MVK: variants seen among roughly 807,000 people sequenced by gnomAD.
The protein encoded by MVK is mevalonate kinase, also known as LH receptor mRNA-binding protein.
In MVK, 34 loss-of-function variants were observed where a neutral mutation model predicts 43.2. The ratio of observed to expected loss-of-function variants is 0.79; its 90% CI spans 0.60 to 1.05. MVK has a LOEUF of 1.05. Ranked by LOEUF, MVK falls within the 50% of genes least tolerant of loss-of-function variation. MVK has a pLI of 0.00. For synonymous variants in MVK, 190 were observed against 219.8 expected (o/e 0.86, Z 1.20); for missense variants, 395 against 504.0 (o/e 0.78, Z 2.07).
At chr12:109,577,582 G>A (rs1355476206) in intron 3 of MVK, among the ~76,000 whole-genome samples, 1 of 152,170 alleles carries the variant, frequency 6.6e-6, no homozygotes, top group Non-Finnish European at 1.5e-5. Flanking sequence ...CTCCCAAAGT[G>A]CTGGGGTTAC....
intron 7 of MVK, 42 bp from the exon 8 acceptor site, chr12:109,590,729 A>G (rs772830954): frequency 8.8e-6 from 14 of 1,585,646 alleles, no homozygotes; most frequent in African/African-American, 5.4e-5. Flanking sequence ...CAGCTCCTCC[A>G]TCTTGAGTTC....
In MVK at chr12:109,591,262, C is replaced by G. The variant is rs104895315; in HGVS notation, c.790C>G (p.Leu264Val). Residue 264 changes from leucine to valine, a missense_variant, in exon 9 of 11, where the codon CTC becomes GTC. Transcript: ENST00000228510. The part of the protein sequence containing the change: ...LLKFPEIVAP[L>V]LTSIDAISLE... ...CCAGTTCCCAGAGATCGTGGCCCCCCTCCTGACCTCAATAGATGCCATCTC... is the reference window on the plus strand; with the variant it reads ...CCAGTTCCCAGAGATCGTGGCCCCCGTCCTGACCTCAATAGATGCCATCTC... The G allele has an allele frequency of 6.8e-6, 11 of 1,614,126 alleles. No homozygotes were observed. In the East Asian group the frequency reaches 1.8e-4, roughly 26 times the overall value.
chr12:109,581,519 A>G lies in MVK; in HGVS notation c.496A>G (p.Asn166Asp). 6.2e-7 allele frequency: 1 copy of G among 1,614,192 alleles called. No homozygotes were observed. Among genetic ancestry groups the G allele is most frequent in the Non-Finnish European group, 8.5e-7 (1 of 1,180,028 alleles). The change falls in exon 5 of 11, where the codon AAC (asparagine) becomes GAC (aspartate). Residue 166 changes from asparagine (N) to aspartate (D), a missense_variant. Asn to Asp is a conservative substitution (Grantham distance 23). Transcript: ENST00000228510. ...CCTGACTGTGTGCGAGGAGATCCCA[A>G]ACCCGCTGAAGGACGGGGATTGCGT... ...ALLTVCEEIP[N>D]PLKDGDCVNR...
At position 109,588,558 on chromosome 12, in the gene MVK, G is replaced by A. The variant is rs1368063556; in HGVS notation, c.677+1759G>A. ...GGAGGCGCTGGGTCCACAGGCCTAG[G>A]TTTGAGTCCAGCTCTCCCACTTGCC... On this transcript the variant is annotated intron_variant, in intron 7 of 10. Transcript: ENST00000228510. 3.3e-5 allele frequency: 5 copies of A among 152,372 alleles called. No individual in the cohort carries two copies. In the East Asian group the frequency reaches 9.6e-4, roughly 29 times the overall value. The allele number at this position is 152,372 out of a possible 1,614,324, so 9.4% of individuals were successfully genotyped here. A position where few individuals can be genotyped will look rare whatever the true frequency, so the allele number is the denominator to read the frequency against.
chr12:109,595,160 G>A lies in MVK; in HGVS notation c.1018G>A (p.Gly340Ser), dbSNP rs1234844360. ...KLTGAGGGGC[G>S]ITLLKPGLEQ... ...GACTGGCGCAGGCGGTGGTGGCTGT[G>A]GCATCACACTCCTCAAGCCAGGTAT... The change falls in exon 10 of 11, where the codon GGC (glycine) becomes AGC (serine). Residue 340 changes from glycine (G) to serine (S), a missense_variant. Coordinates refer to ENST00000228510, the MANE Select transcript of MVK (RefSeq NM_000431.4). This position sits in a 1 kb window ranked among gnomAD's most constrained non-coding sequence, Gnocchi z 5.9. 6.2e-7 allele frequency: 1 copy of A among 1,614,018 alleles called. No individual in the cohort carries two copies.
At chr12:109,573,730 C>T (rs1366349147), upstream of MVK, 6 of 566,858 alleles carry the variant, frequency 1.1e-5, no homozygotes, top group Non-Finnish European at 1.6e-5. Flanking sequence ...TAAAGGTACT[C>T]CGGGCTCGCG....
intron 10 of MVK, 83 bp from the exon 11 acceptor site, chr12:109,596,343 G>A: frequency 6.5e-7 from 1 of 1,541,630 alleles, no homozygotes; most frequent in Non-Finnish European, 8.7e-7. Context: ...CAGCAGGAAG[G>A]CCTGGGCTTT....
chr12:109,589,216 A>G (rs1885569914), intron 7 of MVK: 2 of 152,250 alleles, frequency 1.3e-5, no homozygotes, highest in Non-Finnish European at 2.9e-5. Context: ...TGAGCCCTGG[A>G]TCTGGTGGGG....
intron 5 of MVK, among the ~76,000 whole-genome samples, chr12:109,585,810 C>T (rs1422377006): frequency 6.6e-6 from 1 of 152,146 alleles, no homozygotes; most frequent in Non-Finnish European, 1.5e-5. Flanking sequence ...AGTCCAAAGC[C>T]CAGGCTGTTT....
Position 109,575,473 on chromosome 12 carries a change from T to A in MVK, c.79-525T>A, listed in dbSNP as rs375793863. Reference sequence around the variant, plus strand: ...CTTGCTCTGTCACCGGAGTGCAATCTTGCGATCATGGCTCACTGCAGCCTC... The same window carrying A: ...CTTGCTCTGTCACCGGAGTGCAATCATGCGATCATGGCTCACTGCAGCCTC... On this transcript the variant is annotated intron_variant, in intron 2 of 10. Coordinates refer to ENST00000228510, the MANE Select transcript of MVK (RefSeq NM_000431.4). 9.9e-5 allele frequency among the ~76,000 whole-genome samples: 15 copies of A among 152,032 alleles called. No homozygotes were observed. In the East Asian group the frequency reaches 2.7e-3, roughly 27 times the overall value.
intron 5 of MVK, among the ~76,000 whole-genome samples, chr12:109,585,077 T>C (rs1885377870): frequency 6.6e-6 from 1 of 152,042 alleles, no homozygotes; most frequent in Non-Finnish European, 1.5e-5. Flanking sequence ...TACTCATGTG[T>C]TTTGGGTCTG....
Position 109,595,734 on chromosome 12 carries a change from G to C in MVK, c.1039+553G>C, listed in dbSNP as rs1192037882. 6.6e-6 allele frequency among the ~76,000 whole-genome samples: 1 copy of C among 152,146 alleles called. No individual in the cohort carries two copies. The highest frequency in any genetic ancestry group is 2.4e-5 in the African/African-American group (1 of 41,430). On this transcript the variant is annotated intron_variant, in intron 10 of 10. Transcript: ENST00000228510. This position sits in a 1 kb window ranked among gnomAD's most constrained non-coding sequence, Gnocchi z 5.9. ...TCAGGCTCGCTCCTGGCCTACAGTA[G>C]GCACTAACCGGTCCCACCTGCCTCC...
At chr12:109,585,769 GA>G (rs907573594) in intron 5 of MVK, among the ~76,000 whole-genome samples, 1 of 148,918 alleles carries the variant, frequency 6.7e-6, no homozygotes, top group Admixed American at 6.7e-5. Flanking sequence ...CAAAAAAAAA[GA>G]AAAAAAAAGA....
intron 5 of MVK, among the ~76,000 whole-genome samples, chr12:109,583,540 A>C (rs1335595437): frequency 1.3e-5 from 2 of 152,222 alleles, no homozygotes; most frequent in African/African-American, 2.4e-5. Flanking sequence ...GCTATTGTGA[A>C]TAGTGCTGCA....
chr12:109,584,019 G>A (rs1885336298), intron 5 of MVK, among the ~76,000 whole-genome samples: 1 of 152,242 alleles, frequency 6.6e-6, no homozygotes, highest in South Asian at 2.1e-4. Flanking sequence ...CAAGTCAGCA[G>A]ATGTGGTCCT....
At chr12:109,584,722 T>C (rs1885362445) in intron 5 of MVK, among the ~76,000 whole-genome samples, 1 of 151,958 alleles carries the variant, frequency 6.6e-6, no homozygotes, top group East Asian at 1.9e-4. Flanking sequence ...CCATCTCTAC[T>C]AAAAATACAA....
chr12:109,574,188 T>C (rs933795401), intron 1 of MVK, among the ~76,000 whole-genome samples: 1 of 152,212 alleles, frequency 6.6e-6, no homozygotes, highest in African/African-American at 2.4e-5. Context: ...AAGTGTAAAT[T>C]GCACACACCT....
intron 3 of MVK, among the ~76,000 whole-genome samples, chr12:109,578,414 T>C (rs1885060506): frequency 6.7e-6 from 1 of 149,440 alleles, no homozygotes; most frequent in African/African-American, 2.5e-5. Context: ...TGAACACTTA[T>C]TGGGCACTTA....
chr12:109,578,633 C>G (rs1235381533), intron 3 of MVK, among the ~76,000 whole-genome samples: 1 of 152,206 alleles, frequency 6.6e-6, no homozygotes, highest in East Asian at 1.9e-4. Flanking sequence ...CTCTTAACAG[C>G]TGTTCCATCT....
Sources: gnomAD v4.1 joint callset for allele counts (sites outside exome capture counted in the v4.1 genomes callset) on GRCh38, gnomAD v4.1.1 for gene constraint, Gnocchi (gnomAD v3.1) non-coding constraint, MANE v1.5 for transcripts, NCBI Gene and HGNC (gene_info 2026-07-23, HGNC 2026-07-21) for gene names.